IL1RL2: variants seen among roughly 807,000 people sequenced by gnomAD.
The protein encoded by IL1RL2 is interleukin-1 receptor-like 2.
In IL1RL2, 68 loss-of-function variants were observed where a neutral mutation model predicts 66.8. That is an observed-to-expected ratio of 1.02 (90% confidence interval 0.84 to 1.25). The LOEUF (loss-of-function observed/expected upper bound fraction) is 1.25. Ranked by LOEUF, IL1RL2 falls within the 50% of genes most tolerant of loss-of-function variation. The pLI is 0.00. For missense variants in IL1RL2, 729 were observed against 709.3 expected (o/e 1.03, Z -0.32); for synonymous variants, 305 against 264.6 (o/e 1.15, Z -1.48).
intron 2 of IL1RL2, among the ~76,000 whole-genome samples, chr2:102,188,293 A>T (rs568372018): frequency 1.3e-5 from 2 of 152,322 alleles, no homozygotes; most frequent in South Asian, 4.1e-4. Context: ...TCTTCTAAGA[A>T]ATTTGGTATG....
chr2:102,214,820 T>C (rs13002813), intron 6 of IL1RL2, among the ~76,000 whole-genome samples: 7,536 of 152,252 alleles, frequency 0.049, 211 homozygotes, highest in Middle Eastern at 0.15. Flanking sequence ...TCAACAAAAT[T>C]GCTGACTAGG....
At chr2:102,242,646 GGGATTT>G (rs1164354089), downstream of IL1RL2, among the ~76,000 whole-genome samples, 1 of 152,166 alleles carries the variant, frequency 6.6e-6, no homozygotes, top group Admixed American at 6.5e-5. Context: ...AGGCCTTGAA[GGGATTT>G]GGATGATGCC....
intron 9 of IL1RL2, among the ~76,000 whole-genome samples, chr2:102,227,392 C>T (rs372809302): frequency 1.5e-4 from 23 of 152,208 alleles, no homozygotes; most frequent in Non-Finnish European, 2.8e-4. Flanking sequence ...TTTGATAAAA[C>T]GTGGCTATTC....
chr2:102,222,975 C>G (rs904087307), intron 8 of IL1RL2, among the ~76,000 whole-genome samples: 9 of 152,170 alleles, frequency 5.9e-5, no homozygotes, highest in African/African-American at 2.2e-4. Flanking sequence ...ACTTGTTGAA[C>G]TTTTTGAAAG....
At chr2:102,224,568 G>A (rs1290433665) in intron 8 of IL1RL2, among the ~76,000 whole-genome samples, 2 of 152,290 alleles carry the variant, frequency 1.3e-5, no homozygotes, top group African/African-American at 4.8e-5. Context: ...AGGCTGGGAA[G>A]GGTAGTGGTG....
rs113217184 is a variant in IL1RL2, at chr2:102,221,520, G to A, written c.991+1503G>A. Among the ~76,000 whole-genome samples the A allele has an allele frequency of 8.1e-4, 123 of 152,220 alleles. 1 individual carries two copies. The highest frequency in any genetic ancestry group is 3.4e-3 in the Middle Eastern group (1 of 294). ...TTAGTGGGACTCCTGTATCTTCCAC[G>A]TTGTTCAGGCTCAAAATCTGGGGTC... On this transcript the variant is annotated intron_variant, in intron 8 of 11. Coordinates refer to ENST00000264257, the MANE Select transcript of IL1RL2 (RefSeq NM_003854.4).
chr2:102,212,561 A>G (rs182371961), intron 6 of IL1RL2, among the ~76,000 whole-genome samples: 4 of 152,342 alleles, frequency 2.6e-5, no homozygotes, highest in East Asian at 3.9e-4. Context: ...TACAGGAGTG[A>G]AAAAAATTAT....
Position 102,187,839 on chromosome 2 carries a change from T to C in IL1RL2, c.-12-17T>C. 6.5e-7 allele frequency: 1 copy of C among 1,537,356 alleles called. No homozygotes were observed. Among genetic ancestry groups the C allele is most frequent in the Non-Finnish European group, 8.9e-7 (1 of 1,121,110 alleles). On this transcript the variant is annotated splice_polypyrimidine_tract_variant and intron_variant, in intron 1 of 11. Coordinates refer to ENST00000264257, the MANE Select transcript of IL1RL2 (RefSeq NM_003854.4). ...TACTGCGTCCTCCCCTCCCACCCTC[T>C]TCTCCCTTCCTTGCAGCCCGGTTTG...
chr2:102,236,800 A>C (rs933154734), intron 11 of IL1RL2, among the ~76,000 whole-genome samples: 1 of 152,194 alleles, frequency 6.6e-6, no homozygotes, highest in Non-Finnish European at 1.5e-5. Flanking sequence ...ACATTTTAAG[A>C]ATAACAGCAT....
At chr2:102,239,112 A>G in intron 11 of IL1RL2, 80 bp from the exon 12 acceptor site, 1 of 1,312,798 alleles carries the variant, frequency 7.6e-7, no homozygotes. Context: ...AGGTTTTCGC[A>G]TTCCCATGGC....
intron 8 of IL1RL2, among the ~76,000 whole-genome samples, chr2:102,220,603 G>C (rs1186050832): frequency 1.3e-5 from 2 of 152,150 alleles, no homozygotes; most frequent in Non-Finnish European, 1.5e-5. Flanking sequence ...ATCAGGGGAG[G>C]TGTGTGAAAT....
rs762920469 is a variant in IL1RL2 at position 102,191,921 on chromosome 2, A to G, written c.294-4A>G. 6.3e-7 allele frequency: 1 copy of G among 1,584,138 alleles called. No individual in the cohort carries two copies. The highest frequency in any genetic ancestry group is 8.6e-7 in the Non-Finnish European group (1 of 1,160,534). On this transcript the variant is annotated splice_region_variant and splice_polypyrimidine_tract_variant and intron_variant, in intron 3 of 11. Coordinates refer to ENST00000264257, the MANE Select transcript of IL1RL2 (RefSeq NM_003854.4). ...AGTTTATGAGGTCTCAATCTGTCTT[A>G]CAGGGGTAGAGACAGCTGTCATAGA...
intron 10 of IL1RL2, 24 bp from the exon 11 acceptor site, chr2:102,234,873 T>C (rs777196392): frequency 6.3e-7 from 1 of 1,598,986 alleles, no homozygotes; most frequent in African/African-American, 1.3e-5. Flanking sequence ...TGAGTTCTTC[T>C]GAGCCTTCTT....
intron 9 of IL1RL2, among the ~76,000 whole-genome samples, chr2:102,229,272 G>T (rs561891267): frequency 6.6e-6 from 1 of 152,172 alleles, no homozygotes. Flanking sequence ...TCTTTGCTAG[G>T]GTGTGGCAAA....
At chr2:102,191,284 T>C (rs1233234320) in intron 3 of IL1RL2, among the ~76,000 whole-genome samples, 4 of 152,186 alleles carry the variant, frequency 2.6e-5, no homozygotes, top group African/African-American at 9.6e-5. Flanking sequence ...AATGTATATT[T>C]ATTTATTTCT....
At chr2:102,219,811 G>T in intron 7 of IL1RL2, 70 bp from the exon 8 acceptor site, 1 of 1,445,698 alleles carries the variant, frequency 6.9e-7, no homozygotes. Context: ...TTTATCTCCA[G>T]AAAACAGATT....
At chr2:102,240,165 A>G (rs1426457872), downstream of IL1RL2, among the ~76,000 whole-genome samples, 3 of 152,150 alleles carry the variant, frequency 2.0e-5, no homozygotes, top group Non-Finnish European at 2.9e-5. Flanking sequence ...GGTCCACTGA[A>G]AAGTTGGGCA....
chr2:102,235,334 C>A (rs1378104618), intron 11 of IL1RL2, 57 bp downstream of exon 11: 8 of 1,566,702 alleles, frequency 5.1e-6, no homozygotes, highest in African/African-American at 2.7e-5. Context: ...TCTATCATTG[C>A]GTGGTGGCTC....
chr2:102,226,193 G>A, intron 9 of IL1RL2, 152 bp downstream of exon 9: 4 of 553,366 alleles, frequency 7.2e-6, no homozygotes, highest in Non-Finnish European at 1.2e-5. Flanking sequence ...TTAGAGAAAT[G>A]ATTTGTCCCT....
Sources: allele counts gnomAD v4.1 joint callset (sites outside exome capture counted in the v4.1 genomes callset), GRCh38; gene constraint gnomAD v4.1.1; transcripts MANE v1.5; gene names NCBI Gene and HGNC (gene_info 2026-07-23, HGNC 2026-07-21).